PTPRG: variants seen among roughly 807,000 people sequenced by gnomAD.
PTPRG encodes protein tyrosine phosphatase receptor type G.
In PTPRG, 102 loss-of-function variants were observed where a neutral mutation model predicts 165.3. That is an observed-to-expected ratio of 0.62 (90% confidence interval 0.53 to 0.73). The LOEUF (loss-of-function observed/expected upper bound fraction) is 0.73, where lower values mean the gene tolerates loss of function less well. Among genes scored for constraint, PTPRG ranks in the 30% least tolerant of loss-of-function variants. The probability of loss-of-function intolerance (pLI) is 0.00; values close to 1 mark genes in which losing one functional copy is unlikely to be tolerated. For synonymous variants in PTPRG, 675 were observed against 669.5 expected, an observed-to-expected ratio of 1.01 and a Z score of -0.13; for missense variants, 1,866 against 1,861.4, an observed-to-expected ratio of 1.00 and a Z score of -0.05.
chr3:61,819,457 G>A (rs776244177), intron 2 of PTPRG, among the ~76,000 whole-genome samples: 4 of 152,162 alleles, frequency 2.6e-5, no homozygotes, highest in Non-Finnish European at 5.9e-5. Context: ...GGGAAGGATA[G>A]CACTAGAGGT....
chr3:62,009,209 A>G (rs1225877904), intron 4 of PTPRG, among the ~76,000 whole-genome samples: 1 of 152,186 alleles, frequency 6.6e-6, no homozygotes, highest in East Asian at 1.9e-4. Context: ...TCAATGTCTT[A>G]TGTCTAAAGA....
At chr3:62,152,589 G>C (rs535817027) in intron 6 of PTPRG, among the ~76,000 whole-genome samples, 2 of 152,276 alleles carry the variant, frequency 1.3e-5, no homozygotes, top group East Asian at 3.9e-4. Context: ...CCATTTATCA[G>C]TAGAGCACTG....
chr3:62,115,928 G>A (rs1309105750), intron 5 of PTPRG, among the ~76,000 whole-genome samples: 1 of 152,136 alleles, frequency 6.6e-6, no homozygotes, highest in African/African-American at 2.4e-5. Flanking sequence ...GCCGGTCAAG[G>A]TTTCAGTATA....
chr3:61,686,202 C>A (rs2107135545), intron 1 of PTPRG, among the ~76,000 whole-genome samples: 1 of 152,304 alleles, frequency 6.6e-6, no homozygotes, highest in African/African-American at 2.4e-5. Flanking sequence ...GGACCACTTA[C>A]CTCAGGAGTG....
At chr3:61,747,133 C>T (rs1205610208) in intron 1 of PTPRG, among the ~76,000 whole-genome samples, 4 of 149,496 alleles carry the variant, frequency 2.7e-5, no homozygotes, top group Admixed American at 2.0e-4. Context: ...AAAAAAAAAA[C>T]AAAACCAAAA....
At chr3:62,191,332 A>T in intron 8 of PTPRG, 137 bp from the exon 9 acceptor site, 1 of 672,970 alleles carries the variant, frequency 1.5e-6, no homozygotes, top group Non-Finnish European at 2.5e-6. Flanking sequence ...ACACAATGTT[A>T]AGAGGACCCA....
At chr3:61,592,625 C>G (rs531450703) in intron 1 of PTPRG, among the ~76,000 whole-genome samples, 29 of 145,944 alleles carry the variant, frequency 2.0e-4, no homozygotes, top group Non-Finnish European at 4.1e-4. Flanking sequence ...TCTTTTCTCT[C>G]TCTTTTTCTT....
intron 1 of PTPRG, among the ~76,000 whole-genome samples, chr3:61,594,560 CCAAT>C (rs1700648001): frequency 1.3e-5 from 2 of 152,120 alleles, no homozygotes; most frequent in Non-Finnish European, 2.9e-5. Flanking sequence ...CCTCCTCCAT[CCAAT>C]CAGTTATTTC....
In PTPRG at chr3:61,713,327, A is replaced by ATTTTTTTT. The variant is rs556907427; in HGVS notation, c.86-35541_86-35534dup. ...AGGCACGTGAGACCACGCTCAGCTAATTTTTTTTTTTTTTTTTGTATTTTT... is the reference window on the plus strand; with the variant it reads ...AGGCACGTGAGACCACGCTCAGCTAATTTTTTTTTTTTTTTTTTTTTTTTTGTATTTTT... On this transcript the variant is annotated intron_variant, in intron 1 of 29. Transcript: ENST00000474889. Among the ~76,000 whole-genome samples the ATTTTTTTT allele has an allele frequency of 5.9e-5, 8 of 135,520 alleles. No individual in the cohort carries two copies. The South Asian group carries it at 1.7e-3, about 28-fold the overall frequency. The allele number at this position is 135,520 out of a possible 152,430, so 88.9% of individuals were successfully genotyped here.
chr3:62,146,237 T>C (rs998110491), intron 6 of PTPRG, among the ~76,000 whole-genome samples: 1 of 152,246 alleles, frequency 6.6e-6, no homozygotes, highest in African/African-American at 2.4e-5. Context: ...CATTTAAACA[T>C]CAACCCTTAA....
chr3:62,147,646 C>A (rs185566116), intron 6 of PTPRG, among the ~76,000 whole-genome samples: 2 of 152,320 alleles, frequency 1.3e-5, no homozygotes, highest in East Asian at 3.9e-4. Context: ...GTATCTGGGA[C>A]TTGTTTGTTA....
chr3:61,908,177 G>A (rs1261707274), intron 2 of PTPRG, among the ~76,000 whole-genome samples: 2 of 141,592 alleles, frequency 1.4e-5, no homozygotes. Flanking sequence ...TGTAATCCTA[G>A]CACTTTGGGA....
At chr3:61,957,785 A>C (rs921303051) in intron 2 of PTPRG, among the ~76,000 whole-genome samples, 10 of 152,210 alleles carry the variant, frequency 6.6e-5, no homozygotes, top group African/African-American at 2.4e-4. Flanking sequence ...ATTTTAATTC[A>C]GTTGCAGCAT....
In PTPRG at chr3:62,082,330, A is replaced by G. The variant is rs115431807; in HGVS notation, c.615+4072A>G. Among the ~76,000 whole-genome samples, 331 of 152,252 alleles carry G rather than the reference A, an allele frequency of 2.2e-3. 1 individual carries two copies. The highest frequency in any genetic ancestry group is 7.4e-3 in the African/African-American group (307 of 41,534). ...ATGAAGTTCATAATGTTGCCCCCCA[A>G]AAGCACCAAAATAGGCACAAACCTA... On this transcript the variant is annotated intron_variant, in intron 5 of 29. Coordinates refer to ENST00000474889, the MANE Select transcript of PTPRG (RefSeq NM_002841.4).
chr3:61,757,921 T>C (rs1427405938), intron 2 of PTPRG, among the ~76,000 whole-genome samples: 1 of 152,222 alleles, frequency 6.6e-6, no homozygotes, highest in Non-Finnish European at 1.5e-5. Flanking sequence ...CCTAGCTGAA[T>C]ACATGTGTTA....
intron 2 of PTPRG, among the ~76,000 whole-genome samples, chr3:61,877,269 A>C (rs1177934329): frequency 6.6e-6 from 1 of 152,208 alleles, no homozygotes; most frequent in Admixed American, 6.5e-5. Context: ...AACATGCCTT[A>C]GCATTTGGAT....
At chr3:62,170,865 G>T (rs1705189321) in intron 8 of PTPRG, among the ~76,000 whole-genome samples, 1 of 152,108 alleles carries the variant, frequency 6.6e-6, no homozygotes, top group Non-Finnish European at 1.5e-5. Context: ...CACAACCTGA[G>T]CACACCTGAG....
intron 8 of PTPRG, among the ~76,000 whole-genome samples, chr3:62,183,791 CAT>C (rs1288780619): frequency 6.6e-6 from 1 of 152,042 alleles, no homozygotes; most frequent in African/African-American, 2.4e-5. Flanking sequence ...TGTCATTTGT[CAT>C]TGAGAACTGA....
intron 2 of PTPRG, among the ~76,000 whole-genome samples, chr3:61,802,437 T>C (rs983024543): frequency 6.6e-6 from 1 of 152,178 alleles, no homozygotes. Context: ...CTGTTAGATA[T>C]GTTAGAGGAA....
Sources: allele counts gnomAD v4.1 joint callset (sites outside exome capture counted in the v4.1 genomes callset), GRCh38; gene constraint gnomAD v4.1.1; transcripts MANE v1.5; gene names NCBI Gene and HGNC (gene_info 2026-07-23, HGNC 2026-07-21).